The following IQSEC1 variants were observed in gnomAD, a reference collection of about 807,000 sequenced individuals.
IQSEC1 encodes the protein IQ motif and Sec7 domain ArfGEF 1.
IQSEC1 carries 31 observed loss-of-function variants against 91.0 expected under a neutral mutation model. That is an observed-to-expected ratio of 0.34 (90% CI 0.26 to 0.46). IQSEC1 has a LOEUF of 0.46. Ranked by LOEUF, IQSEC1 falls within the 20% of genes least tolerant of loss-of-function variation. The probability of loss-of-function intolerance (pLI) is 1.00; values close to 1 mark genes in which losing one functional copy is unlikely to be tolerated. For missense variants in IQSEC1, 1,388 were observed against 1,575.6 expected, an observed-to-expected ratio of 0.88 and a Z score of 2.02; for synonymous variants, 699 against 662.6, an observed-to-expected ratio of 1.05 and a Z score of -0.84.
chr3:13,141,408 C>T (rs889323041), intron 2 of IQSEC1, among the ~76,000 whole-genome samples: 3 of 152,188 alleles, frequency 2.0e-5, no homozygotes, highest in Non-Finnish European at 4.4e-5. Flanking sequence ...GCCATGGGGC[C>T]GTCTCCCGGG....
intron 1 of IQSEC1, among the ~76,000 whole-genome samples, chr3:13,233,337 C>A (rs963941371): frequency 2.0e-5 from 3 of 152,200 alleles, no homozygotes; most frequent in African/African-American, 7.2e-5. Context: ...CAGCACTGTC[C>A]CTTCCTCCAT....
At chr3:13,034,512 G>A (rs1404060406) in intron 1 of IQSEC1, among the ~76,000 whole-genome samples, 1 of 152,208 alleles carries the variant, frequency 6.6e-6, no homozygotes, top group African/African-American at 2.4e-5. Context: ...CCGGGGAGGA[G>A]GAGAGGGCGT....
chr3:13,149,792 A>G (rs1454561494), intron 2 of IQSEC1, among the ~76,000 whole-genome samples: 1 of 152,074 alleles, frequency 6.6e-6, no homozygotes, highest in Non-Finnish European at 1.5e-5. Context: ...CTGCACTGCC[A>G]TGTTGCCCTG....
intron 2 of IQSEC1, among the ~76,000 whole-genome samples, chr3:13,150,197 T>C (rs1706970306): frequency 6.6e-6 from 1 of 152,182 alleles, no homozygotes; most frequent in African/African-American, 2.4e-5. Flanking sequence ...AATATTTTAA[T>C]ACATATTAGA....
At chr3:13,212,504 G>A (rs940341994) in intron 1 of IQSEC1, among the ~76,000 whole-genome samples, 3 of 152,210 alleles carry the variant, frequency 2.0e-5, no homozygotes, top group African/African-American at 4.8e-5. Context: ...AATTCTGTAG[G>A]TTTTCATCTC....
chr3:12,900,462 TATATATTTATATATTTATATATTTA>T lies in IQSEC1; in HGVS notation c.*496_*520del. 3 of 639,036 alleles carry T rather than the reference TATATATTTATATATTTATATATTTA, an allele frequency of 4.7e-6. No individual in the cohort carries two copies. The South Asian group carries it at 2.1e-4, about 45-fold the overall frequency. 39.6% of individuals were successfully genotyped at this position (639,036 alleles called of 1,614,324 possible). On this transcript the variant is annotated 3_prime_UTR_variant, in exon 14 of 14. Transcript: ENST00000613206. ...GTACTACCTATACAGTATATATATATATATATTTATATATTTATATATTTATATAAAGTTTACTTACGTATTTTCA... is the reference window on the plus strand; with the variant it reads ...GTACTACCTATACAGTATATATATATTATAAAGTTTACTTACGTATTTTCA...
intron 2 of IQSEC1, among the ~76,000 whole-genome samples, chr3:13,089,696 T>C (rs1705804148): frequency 1.3e-5 from 2 of 152,172 alleles, no homozygotes. Flanking sequence ...ACATCTTCTA[T>C]GATTCGAATG....
intron 2 of IQSEC1, among the ~76,000 whole-genome samples, chr3:13,152,252 TGAA>T (rs1422015274): frequency 6.6e-6 from 1 of 152,074 alleles, no homozygotes; most frequent in African/African-American, 2.4e-5. Context: ...GGGAACATAA[TGAA>T]GAAAATAATC....
chr3:13,225,966 G>A (rs941354814), intron 1 of IQSEC1, among the ~76,000 whole-genome samples: 12 of 151,602 alleles, frequency 7.9e-5, no homozygotes, highest in East Asian at 1.9e-4. Context: ...TGCAACCTCC[G>A]CCTCCTGGGT....
At chr3:13,226,140 A>G (rs1376587553) in intron 1 of IQSEC1, among the ~76,000 whole-genome samples, 2 of 152,148 alleles carry the variant, frequency 1.3e-5, no homozygotes, top group Non-Finnish European at 2.9e-5. Context: ...CGGCCTCCCA[A>G]AGTGCTGGGA....
intron 1 of IQSEC1, among the ~76,000 whole-genome samples, chr3:13,066,538 G>A (rs775820583): frequency 6.6e-6 from 1 of 152,272 alleles, no homozygotes; most frequent in Admixed American, 6.5e-5. Flanking sequence ...CGGCAGAGGA[G>A]CCAGCATGGG....
In IQSEC1 at chr3:12,924,433, G is replaced by T; in HGVS notation, c.1730+148C>A. On this transcript the variant is annotated intron_variant, in intron 4 of 13. Transcript: ENST00000613206. This position sits in a 1 kb window ranked among gnomAD's most constrained non-coding sequence, Gnocchi z 6.3. ...AGATGTGGGGCATCTGCATGTGTGT[G>T]TCTAGGACTTAGGAAGAGAGAAAGG... 1.3e-6 allele frequency: 1 copy of T among 764,412 alleles called. No homozygotes were observed. Among genetic ancestry groups the T allele is most frequent in the Non-Finnish European group, 2.0e-6 (1 of 491,954 alleles). 47.4% of individuals were successfully genotyped at this position (764,412 alleles called of 1,614,324 possible). A position where few individuals can be genotyped will look rare whatever the true frequency, so the allele number is the denominator to read the frequency against.
chr3:13,092,123 C>A (rs1559253251), intron 2 of IQSEC1, among the ~76,000 whole-genome samples: 1 of 152,166 alleles, frequency 6.6e-6, no homozygotes. Flanking sequence ...AGGGTCAGAA[C>A]TGACTGCATC....
At chr3:12,920,872 C>A (rs1696566187) in intron 5 of IQSEC1, among the ~76,000 whole-genome samples, 1 of 152,216 alleles carries the variant, frequency 6.6e-6, no homozygotes, top group Non-Finnish European at 1.5e-5. Context: ...CCACCACATT[C>A]AGCCCATGGG....
Position 13,207,794 on chromosome 3 carries a change from C to T in IQSEC1, c.273-43661G>A, listed in dbSNP as rs779992668. On this transcript the variant is annotated intron_variant, in intron 1 of 15. Transcript: ENST00000648114. This position sits in a 1 kb window ranked among gnomAD's most constrained non-coding sequence, Gnocchi z 4.8. ...ATCTAAACCAACCATCCCTGCCACCCGGCCACGTGGTCCGGCCAGCCTTGT... is the reference window on the plus strand; with the variant it reads ...ATCTAAACCAACCATCCCTGCCACCTGGCCACGTGGTCCGGCCAGCCTTGT... 5.3e-5 allele frequency among the ~76,000 whole-genome samples: 8 copies of T among 152,214 alleles called. No homozygotes were observed. Among genetic ancestry groups the T allele is most frequent in the African/African-American group, 1.4e-4 (6 of 41,454 alleles).
intron 1 of IQSEC1, among the ~76,000 whole-genome samples, chr3:13,071,552 C>T (rs1380384008): frequency 6.6e-6 from 1 of 152,210 alleles, no homozygotes; most frequent in Non-Finnish European, 1.5e-5. Context: ...GTGGAAGTTC[C>T]ACGCTGGGAA....
intron 1 of IQSEC1, among the ~76,000 whole-genome samples, chr3:13,223,111 C>T (rs1012644555): frequency 6.6e-5 from 10 of 152,238 alleles, no homozygotes; most frequent in African/African-American, 1.4e-4. Flanking sequence ...TCCAGACCCC[C>T]GGCTTGCCCG....
chr3:13,235,726 T>C lies in IQSEC1; in HGVS notation c.272+46985A>G, dbSNP rs181885955. On this transcript the variant is annotated intron_variant, in intron 1 of 15. Transcript: ENST00000648114. ...GGCAGCAAATGCCCTATCACATTCT[T>C]CTTCCCTTTGGGAAATGTCTGAAGT... Among the ~76,000 whole-genome samples, 1,189 of 152,304 alleles carry C rather than the reference T, an allele frequency of 7.8e-3. 9 individuals carry two copies. Among genetic ancestry groups the C allele is most frequent in the Non-Finnish European group, 0.012 (829 of 68,016 alleles).
At chr3:13,240,900 T>C (rs1695010843) in intron 1 of IQSEC1, among the ~76,000 whole-genome samples, 1 of 152,204 alleles carries the variant, frequency 6.6e-6, no homozygotes, top group Non-Finnish European at 1.5e-5. Context: ...CCCTCCACAC[T>C]GGACTACAGT....
Sources: allele counts gnomAD v4.1 joint callset (sites outside exome capture counted in the v4.1 genomes callset), GRCh38; gene constraint gnomAD v4.1.1; non-coding constraint Gnocchi (gnomAD v3.1); transcripts MANE v1.5; gene names NCBI Gene and HGNC (gene_info 2026-07-23, HGNC 2026-07-21).